RTTN: variants seen among roughly 807,000 people sequenced by gnomAD.
The protein encoded by RTTN is rotatin.
In RTTN, 182 loss-of-function variants were observed where a neutral mutation model predicts 269.2. That is an observed-to-expected ratio of 0.68 (90% confidence interval 0.60 to 0.76). RTTN has a LOEUF of 0.76. RTTN is among the 30% of genes least tolerant of loss of function. RTTN has a pLI of 0.00. For synonymous variants in RTTN, 1,006 were observed against 963.5 expected (o/e 1.04, Z -0.82); for missense variants, 2,545 against 2,608.6 (o/e 0.98, Z 0.53).
intron 10 of RTTN, among the ~76,000 whole-genome samples, chr18:70,177,599 A>T (rs2061333267): frequency 1.3e-5 from 2 of 152,086 alleles, no homozygotes; most frequent in South Asian, 4.1e-4. Context: ...GGGTAAAAGG[A>T]CACCCTCAGT....
At chr18:70,137,024 G>C (rs2060140256) in intron 21 of RTTN, among the ~76,000 whole-genome samples, 1 of 152,010 alleles carries the variant, frequency 6.6e-6, no homozygotes, top group Admixed American at 6.6e-5. Flanking sequence ...AAAACTACAT[G>C]TGTATGTAGA....
rs1338354455 is a variant in RTTN at position 70,205,171 on chromosome 18, G to A, written c.176C>T (p.Pro59Leu). Residue 59 changes from proline (P) to leucine (L), a missense_variant, in exon 2 of 49, where the codon CCG becomes CTG. Physicochemically the swap from Pro to Leu is moderately conservative, Grantham distance 98 (BLOSUM62 -3). Coordinates refer to ENST00000640769, the MANE Select transcript of RTTN (RefSeq NM_173630.4). ...LLEWFNFPSV[P>L]MKEEVLNLLS... is the part of the protein sequence containing the mutation. ...CAGGTTCAGAACCTCTTCCTTCATC[G>A]GAACGGACGGGAAATTGAACCATTC... 3 of 1,614,074 alleles carry A rather than the reference G, an allele frequency of 1.9e-6. No individual in the cohort carries two copies. The highest frequency in any genetic ancestry group is 1.3e-5 in the African/African-American group (1 of 74,996).
At chr18:70,044,125 A>G (rs940712550) in intron 40 of RTTN, among the ~76,000 whole-genome samples, 7 of 152,210 alleles carry the variant, frequency 4.6e-5, no homozygotes, top group African/African-American at 1.7e-4. Flanking sequence ...TTTCTTTCCA[A>G]AAGGTACTTA....
chr18:70,137,988 T>C (rs1341924542), intron 21 of RTTN, among the ~76,000 whole-genome samples: 1 of 152,132 alleles, frequency 6.6e-6, no homozygotes, highest in Non-Finnish European at 1.5e-5. Flanking sequence ...GGTTAAAAAT[T>C]AATTTTTCGG....
intron 30 of RTTN, among the ~76,000 whole-genome samples, chr18:70,088,828 A>G (rs2058768167): frequency 6.6e-6 from 1 of 152,218 alleles, no homozygotes; most frequent in Admixed American, 6.5e-5. Context: ...TATTTCAAAT[A>G]TTTCTATAAA....
At chr18:70,122,001 GAC>G (rs2059750112) in intron 25 of RTTN, among the ~76,000 whole-genome samples, 9 of 152,130 alleles carry the variant, frequency 5.9e-5, no homozygotes, top group Admixed American at 5.9e-4. Context: ...GAAAAACACT[GAC>G]TCTAATAACC....
Position 70,164,213 on chromosome 18 carries a change from T to C in RTTN, c.1929+1849A>G, listed in dbSNP as rs1440539400. 5.6e-4 allele frequency among the ~76,000 whole-genome samples: 7 copies of C among 12,408 alleles called. No homozygotes were observed. In the East Asian group the frequency reaches 0.44, roughly 776 times the overall value. The allele number at this position is 12,408 out of a possible 152,430, so 8.1% of individuals were successfully genotyped here. Reference sequence around the variant, plus strand: ...GTTAAAATGGTAAAATTTTTTCCTTTTTTTTTTTTTTTTCCAGAAATGAAG... The same window carrying C: ...GTTAAAATGGTAAAATTTTTTCCTTCTTTTTTTTTTTTTCCAGAAATGAAG... On this transcript the variant is annotated intron_variant, in intron 14 of 48. Transcript: ENST00000640769.
chr18:70,197,658 G>A lies in RTTN; in HGVS notation c.659C>T (p.Ala220Val). ...LKDVIMQDFPAEIFLQRPKIV... is the reference protein window; with the variant it reads ...LKDVIMQDFPVEIFLQRPKIV... Reference sequence around the variant, plus strand: ...TTTTGGCCTTTGAAGGAAAATCTCAGCAGGAAAATCTTGCATGATAACATC... The same window carrying A: ...TTTTGGCCTTTGAAGGAAAATCTCAACAGGAAAATCTTGCATGATAACATC... The change falls in exon 6 of 49, where the codon GCT becomes GTT. Residue 220 changes from alanine to valine, a missense_variant. Coordinates refer to ENST00000640769, the MANE Select transcript of RTTN (RefSeq NM_173630.4). The A allele has an allele frequency of 1.2e-6, 2 of 1,613,580 alleles. No homozygotes were observed. Among genetic ancestry groups the A allele is most frequent in the Non-Finnish European group, 1.7e-6 (2 of 1,179,508 alleles).
rs1245577689 is a variant in RTTN, at chr18:70,193,378, G to A, written c.917C>T (p.Pro306Leu). Residue 306 changes from proline (P) to leucine (L), a missense_variant, in exon 8 of 49, where the codon CCA (proline) becomes CTA (leucine). By Grantham distance (98) the Pro-to-Leu change is moderately conservative. Coordinates refer to ENST00000640769, the MANE Select transcript of RTTN (RefSeq NM_173630.4). ...AGAAGGCCGAGGGCTGCTGCTTCCT[G>A]GGGAAGGATTCTGGGAATGATGAGT... ...RGTHHSQNPS[P>L]GSSSPRPSVV... The A allele has an allele frequency of 2.5e-6, 4 of 1,608,726 alleles. No homozygotes were observed. The highest frequency in any genetic ancestry group is 3.4e-5 in the Admixed American group (2 of 58,942).
chr18:70,089,780 A>C (rs866652032), intron 30 of RTTN, among the ~76,000 whole-genome samples: 2 of 152,264 alleles, frequency 1.3e-5, no homozygotes, highest in Non-Finnish European at 2.9e-5. Flanking sequence ...AGAACTTGTG[A>C]GCAATGAAAT....
At chr18:70,142,479 G>C (rs2060284072) in intron 18 of RTTN, 92 bp from the exon 19 acceptor site, 1 of 716,824 alleles carries the variant, frequency 1.4e-6, no homozygotes, top group African/African-American at 1.8e-5. Flanking sequence ...ATGAACAAAA[G>C]CTCAAAAAGT....
chr18:70,082,800 C>T (rs187002856), intron 32 of RTTN, among the ~76,000 whole-genome samples: 27 of 152,284 alleles, frequency 1.8e-4, no homozygotes, highest in Admixed American at 1.4e-3. Flanking sequence ...AAGCAATCCT[C>T]CTGCCTCAGT....
chr18:70,138,648 T>C (rs2060182214), intron 21 of RTTN: 2 of 152,252 alleles, frequency 1.3e-5, no homozygotes, highest in African/African-American at 4.8e-5. Flanking sequence ...AAAAACGTTA[T>C]AGTCCACTCA....
intron 14 of RTTN, among the ~76,000 whole-genome samples, chr18:70,163,557 A>G (rs1213408722): frequency 6.6e-6 from 1 of 152,208 alleles, no homozygotes; most frequent in East Asian, 1.9e-4. Flanking sequence ...CTGGGTATAT[A>G]AACAATTGCA....
intron 11 of RTTN, among the ~76,000 whole-genome samples, chr18:70,172,240 T>C (rs576914492): frequency 6.6e-6 from 1 of 152,194 alleles, no homozygotes; most frequent in Non-Finnish European, 1.5e-5. Flanking sequence ...TCAACAAATA[T>C]CAGTTTCAAA....
Position 70,004,243 on chromosome 18 carries a change from T to A in RTTN, c.6596-7A>T, listed in dbSNP as rs779249909. The A allele has an allele frequency of 1.3e-4, 213 of 1,605,158 alleles. No individual in the cohort carries two copies. The highest frequency in any genetic ancestry group is 1.7e-4 in the Non-Finnish European group (201 of 1,172,284). ...GCTTCTGAGTTTGGGAAAGCTGAGATAGAAAAATAAGAGTACAGAAATACT... is the reference window on the plus strand; with the variant it reads ...GCTTCTGAGTTTGGGAAAGCTGAGAAAGAAAAATAAGAGTACAGAAATACT... On this transcript the variant is annotated splice_region_variant and splice_polypyrimidine_tract_variant and intron_variant, in intron 48 of 48. Transcript: ENST00000640769.
chr18:70,098,548 T>A (rs929655187), intron 28 of RTTN, among the ~76,000 whole-genome samples: 16 of 152,210 alleles, frequency 1.1e-4, no homozygotes, highest in Non-Finnish European at 1.8e-4. Context: ...ACCTGTTTTT[T>A]AAAATTCATA....
intron 30 of RTTN, 47 bp from the exon 31 acceptor site, chr18:70,088,194 C>A: frequency 1.3e-6 from 2 of 1,529,370 alleles, no homozygotes; most frequent in Admixed American, 2.0e-5. Flanking sequence ...AGCCTTTTTC[C>A]TAACATGAAT....
At chr18:70,104,131 A>G (rs572815188) in intron 28 of RTTN, among the ~76,000 whole-genome samples, 1 of 152,160 alleles carries the variant, frequency 6.6e-6, no homozygotes, top group African/African-American at 2.4e-5. Context: ...ACAACAATCA[A>G]ATGTAGATTT....
Sources: gnomAD v4.1 joint callset for allele counts (sites outside exome capture counted in the v4.1 genomes callset) on GRCh38, gnomAD v4.1.1 for gene constraint, MANE v1.5 for transcripts, NCBI Gene and HGNC (gene_info 2026-07-23, HGNC 2026-07-21) for gene names.